ILDR1: variants seen among roughly 807,000 people sequenced by gnomAD.
The protein encoded by ILDR1 is immunoglobulin-like domain-containing receptor 1.
A neutral mutation model predicts 62.4 loss-of-function variants in ILDR1; 56 were observed. The observed-to-expected ratio is 0.90, with a 90% CI of 0.72 to 1.12. The LOEUF (loss-of-function observed/expected upper bound fraction) is 1.12, where lower values mean the gene tolerates loss of function less well. Among genes scored for constraint, ILDR1 ranks in the 50% most tolerant of loss-of-function variants. The pLI, the probability that ILDR1 is intolerant of heterozygous loss-of-function variation, is 0.00. For synonymous variants in ILDR1, 284 were observed against 277.8 expected, an observed-to-expected ratio of 1.02 and a Z score of -0.22; for missense variants, 736 against 710.6, an observed-to-expected ratio of 1.04 and a Z score of -0.41.
chr3:121,995,891 C>A (rs1208371540), intron 5 of ILDR1, among the ~76,000 whole-genome samples: 3 of 152,214 alleles, frequency 2.0e-5, no homozygotes. Flanking sequence ...CAGCTAGCGA[C>A]TGGCAGAGCC....
intron 1 of ILDR1, among the ~76,000 whole-genome samples, chr3:122,012,380 T>C (rs1242577974): frequency 2.0e-5 from 3 of 152,238 alleles, no homozygotes; most frequent in Non-Finnish European, 4.4e-5. Context: ...CCCAGTTCAT[T>C]GACTCCTCAT....
At chr3:122,047,530 A>G in the ILDR1 span, among the ~76,000 whole-genome samples, 1 of 152,038 alleles carries the variant, frequency 6.6e-6, no homozygotes, top group Non-Finnish European at 1.5e-5. Context: ...GCCGCCTTGC[A>G]TTTGATCTCA....
rs1443212877 is a variant in ILDR1, at chr3:121,987,518, C to CA, written c.*848dup. 1.3e-5 allele frequency: 2 copies of CA among 152,054 alleles called. No homozygotes were observed. The highest frequency in any genetic ancestry group is 3.9e-4 in the East Asian group (2 of 5,184). 9.4% of individuals were successfully genotyped at this position (152,054 alleles called of 1,614,324 possible). On this transcript the variant is annotated 3_prime_UTR_variant, in exon 8 of 8. Transcript: ENST00000344209. ...ACAAGGCACAGGAATAAGGCTGGTGCAAAACTGCTTCTCTGTGATTTTCTA... is the reference window on the plus strand; with the variant it reads ...ACAAGGCACAGGAATAAGGCTGGTGCAAAAACTGCTTCTCTGTGATTTTCTA...
At chr3:122,022,508 G>A (rs571700321), upstream of ILDR1, among the ~76,000 whole-genome samples, 8 of 152,292 alleles carry the variant, frequency 5.3e-5, no homozygotes, top group Non-Finnish European at 1.2e-4. Context: ...TCTAGGGTGT[G>A]TTTCCTGCGT....
chr3:121,996,931 C>T (rs941420769), intron 5 of ILDR1, among the ~76,000 whole-genome samples: 29 of 152,118 alleles, frequency 1.9e-4, no homozygotes, highest in East Asian at 1.9e-4. Flanking sequence ...GATGGAGTCT[C>T]GCTATGTCAC....
At chr3:121,994,361 CA>C (rs1449170484) in intron 5 of ILDR1, 48 bp from the exon 6 acceptor site, 1 of 1,502,896 alleles carries the variant, frequency 6.7e-7, no homozygotes, top group Non-Finnish European at 8.9e-7. Flanking sequence ...GGGCAAGCCC[CA>C]CACCTCCCAC....
intron 5 of ILDR1, among the ~76,000 whole-genome samples, chr3:122,000,231 A>G (rs2071497756): frequency 6.6e-6 from 1 of 151,806 alleles, no homozygotes; most frequent in Non-Finnish European, 1.5e-5. Flanking sequence ...CGGAGATGGC[A>G]GCCAAAAATT....
At position 121,994,304 on chromosome 3, in the gene ILDR1, C is replaced by T. The variant is rs774951852; in HGVS notation, c.656G>A (p.Arg219His). The T allele has an allele frequency of 6.7e-5, 102 of 1,533,294 alleles. No individual in the cohort carries two copies. The highest frequency in any genetic ancestry group is 5.5e-4 in the African/African-American group (40 of 72,972). 95.0% of individuals were successfully genotyped at this position (1,533,294 alleles called of 1,614,324 possible). ...CTGGGCCTGCTTCATGTAGCGGTGGCGGGCCAGGGCTGCAGGGAAAGAAGG... is the reference window on the plus strand; with the variant it reads ...CTGGGCCTGCTTCATGTAGCGGTGGTGGGCCAGGGCTGCAGGGAAAGAAGG... Reference protein sequence around the residue: ...HCCCPEEALARHRYMKQAQAL... With the variant: ...HCCCPEEALAHHRYMKQAQAL... Residue 219 changes from arginine to histidine, a missense_variant, in exon 6 of 8, where the codon CGC becomes CAC. Physicochemically the swap from Arg to His is conservative, Grantham distance 29. Coordinates refer to ENST00000344209, the MANE Select transcript of ILDR1 (RefSeq NM_001199799.2).
At chr3:122,008,012 T>C (rs2071642195) in intron 1 of ILDR1, among the ~76,000 whole-genome samples, 1 of 152,194 alleles carries the variant, frequency 6.6e-6, no homozygotes, top group Non-Finnish European at 1.5e-5. Flanking sequence ...CTTCTCAAAG[T>C]CATTGCTCAA....
chr3:122,025,782 G>T (rs1230759579), upstream of ILDR1, among the ~76,000 whole-genome samples: 1 of 152,138 alleles, frequency 6.6e-6, no homozygotes, highest in Admixed American at 6.5e-5. Context: ...TAAAAATCAT[G>T]CACCAGCTAC....
At chr3:122,013,973 T>C (rs2071741142) in intron 1 of ILDR1, among the ~76,000 whole-genome samples, 1 of 152,214 alleles carries the variant, frequency 6.6e-6, no homozygotes, top group South Asian at 2.1e-4. Flanking sequence ...TCAATTTCAT[T>C]GATGAGGAAA....
At chr3:122,021,892 AT>A in intron 1 of ILDR1, 127 bp downstream of exon 1, 1 of 846,966 alleles carries the variant, frequency 1.2e-6, no homozygotes, top group Non-Finnish European at 1.9e-6. Flanking sequence ...CCTGGCGCCC[AT>A]GCCAAGCGCC....
At chr3:122,028,054 G>A in the ILDR1 span, among the ~76,000 whole-genome samples, 12 of 151,984 alleles carry the variant, frequency 7.9e-5, no homozygotes, top group African/African-American at 2.2e-4. Context: ...CTGGCCGGGC[G>A]CGGTGGCTCA....
At chr3:122,047,684 C>T in the ILDR1 span, among the ~76,000 whole-genome samples, 7 of 152,146 alleles carry the variant, frequency 4.6e-5, no homozygotes, top group East Asian at 5.8e-4. Context: ...TTTCCAGGTG[C>T]GTCTGTCACC....
chr3:122,061,358 A>G, the ILDR1 span, among the ~76,000 whole-genome samples: 1 of 152,218 alleles, frequency 6.6e-6, no homozygotes, highest in Non-Finnish European at 1.5e-5. Context: ...AGAAATAGAA[A>G]CCCACAATTA....
At chr3:122,055,761 T>C in the ILDR1 span, among the ~76,000 whole-genome samples, 26 of 152,342 alleles carry the variant, frequency 1.7e-4, no homozygotes, top group African/African-American at 6.3e-4. Flanking sequence ...TACTGAATGT[T>C]ACAGTCATTG....
At chr3:121,997,321 T>G (rs188275150) in intron 5 of ILDR1, among the ~76,000 whole-genome samples, 4 of 152,220 alleles carry the variant, frequency 2.6e-5, no homozygotes, top group Non-Finnish European at 5.9e-5. Context: ...TAGAATCTGA[T>G]GCCCCTTTGA....
At chr3:122,034,814 C>A in the ILDR1 span, among the ~76,000 whole-genome samples, 2 of 152,152 alleles carry the variant, frequency 1.3e-5, no homozygotes, top group Non-Finnish European at 2.9e-5. Context: ...GAGCAGGTCA[C>A]ATCTTATGTG....
the ILDR1 span, among the ~76,000 whole-genome samples, chr3:122,028,265 G>C: frequency 1.3e-5 from 2 of 151,112 alleles, no homozygotes; most frequent in Non-Finnish European, 1.5e-5. Context: ...GAACCCGGGA[G>C]GTGGAGCTTG....
Sources: allele counts gnomAD v4.1 joint callset (sites outside exome capture counted in the v4.1 genomes callset), GRCh38; gene constraint gnomAD v4.1.1; transcripts MANE v1.5; gene names NCBI Gene and HGNC (gene_info 2026-07-23, HGNC 2026-07-21).